PDE1C: variants seen among roughly 807,000 people sequenced by gnomAD.
PDE1C encodes dual specificity calcium/calmodulin-dependent 3',5'-cyclic nucleotide phosphodiesterase 1C.
Under a neutral mutation model 93.1 loss-of-function variants are expected in PDE1C, and 62 were observed. That is an observed-to-expected ratio of 0.67 (90% CI 0.54 to 0.82). The LOEUF (loss-of-function observed/expected upper bound fraction) is 0.82, where lower values mean the gene tolerates loss of function less well. Among genes scored for constraint, PDE1C ranks in the 40% least tolerant of loss-of-function variants. PDE1C has a pLI of 0.00. For synonymous variants in PDE1C, 325 were observed against 310.1 expected (o/e 1.05, Z -0.50); for missense variants, 742 against 884.6 (o/e 0.84, Z 2.04).
At chr7:31,829,725 A>G (rs1347830332) in intron 11 of PDE1C, among the ~76,000 whole-genome samples, 1 of 152,290 alleles carries the variant, frequency 6.6e-6, no homozygotes, top group East Asian at 1.9e-4. Context: ...CCCAGCGGAC[A>G]CAATGGCTTC....
intron 1 of PDE1C, among the ~76,000 whole-genome samples, chr7:32,339,048 A>ACACAC (rs1554308604): frequency 6.7e-5 from 10 of 149,702 alleles, no homozygotes; most frequent in Middle Eastern, 3.4e-3. Context: ...ACACACACAC[A>ACACAC]AAGAGTATTA....
chr7:32,277,472 G>T (rs1811360203), intron 1 of PDE1C, among the ~76,000 whole-genome samples: 1 of 152,160 alleles, frequency 6.6e-6, no homozygotes, highest in African/African-American at 2.4e-5. Context: ...TCCTAAAGCA[G>T]ATACTTCTGA....
chr7:31,983,637 TA>T (rs1235095862), intron 2 of PDE1C, among the ~76,000 whole-genome samples: 3 of 152,182 alleles, frequency 2.0e-5, no homozygotes, highest in Non-Finnish European at 4.4e-5. Flanking sequence ...TAATTTTTTT[TA>T]AAAAATCACC....
At chr7:32,038,654 T>C (rs1331106506) in intron 2 of PDE1C, among the ~76,000 whole-genome samples, 4 of 152,140 alleles carry the variant, frequency 2.6e-5, no homozygotes, top group Non-Finnish European at 5.9e-5. Context: ...GCTAGTGATA[T>C]ATTGCCTTTT....
chr7:32,115,822 A>C (rs768402411), intron 3 of PDE1C, among the ~76,000 whole-genome samples: 1 of 152,160 alleles, frequency 6.6e-6, no homozygotes, highest in Non-Finnish European at 1.5e-5. Flanking sequence ...GAAAGAATGA[A>C]AACTATACAG....
rs779967856 is a variant in PDE1C, at chr7:31,815,978, G to A, written c.1759C>T (p.Pro587Ser). Reference protein sequence around the residue: ...NGTRANKSDNPRGKNSKAEKS... With the variant: ...NGTRANKSDNSRGKNSKAEKS... Reference sequence around the variant, plus strand: ...TCGGCTTTGGAGTTTTTCCCACGAGGGTTGTCACTTTTGTTTGCCCGTGTT... The same window carrying A: ...TCGGCTTTGGAGTTTTTCCCACGAGAGTTGTCACTTTTGTTTGCCCGTGTT... The change falls in exon 15 of 18, where the codon CCT becomes TCT. Residue 587 changes from proline to serine, a missense_variant. Pro to Ser is a moderately conservative substitution (Grantham distance 74). Around this residue, in one of 4 missense-constraint regions of PDE1C, gnomAD observed 454 missense variants for 459.4 expected, o/e 0.99. Coordinates refer to ENST00000396191, the MANE Select transcript of PDE1C (RefSeq NM_001191057.4). 4 of 1,613,826 alleles carry A rather than the reference G, an allele frequency of 2.5e-6. No individual in the cohort carries two copies. The highest frequency in any genetic ancestry group is 2.7e-5 in the African/African-American group (2 of 74,892).
intron 1 of PDE1C, among the ~76,000 whole-genome samples, chr7:32,394,922 G>A (rs1322904501): frequency 6.6e-6 from 1 of 151,962 alleles, no homozygotes; most frequent in Non-Finnish European, 1.5e-5. Flanking sequence ...CTCCTCCTTG[G>A]CCTTCTGTCA....
At chr7:31,619,340 A>T in the PDE1C span, among the ~76,000 whole-genome samples, 3 of 152,196 alleles carry the variant, frequency 2.0e-5, no homozygotes, top group African/African-American at 7.2e-5. Context: ...GCCAACAATG[A>T]TTGGTGACAA....
intron 15 of PDE1C, among the ~76,000 whole-genome samples, chr7:31,812,367 C>G (rs1787662911): frequency 6.6e-6 from 1 of 152,064 alleles, no homozygotes; most frequent in African/African-American, 2.4e-5. Flanking sequence ...GTCTTTGTTT[C>G]CCTATGGTAG....
intron 1 of PDE1C, among the ~76,000 whole-genome samples, chr7:32,371,277 G>C (rs1376165250): frequency 1.3e-5 from 2 of 152,152 alleles, no homozygotes; most frequent in Admixed American, 1.3e-4. Flanking sequence ...CTTCCTCAGG[G>C]AAACCTCCCT....
At chr7:31,749,521 TGTG>T (rs1794076108), downstream of PDE1C, among the ~76,000 whole-genome samples, 1 of 152,016 alleles carries the variant, frequency 6.6e-6, no homozygotes, top group African/African-American at 2.4e-5. Context: ...GCTGAAAAAA[TGTG>T]GTGAGCTTCT....
At chr7:32,397,877 G>A (rs937680190) in intron 1 of PDE1C, among the ~76,000 whole-genome samples, 18 of 150,890 alleles carry the variant, frequency 1.2e-4, no homozygotes, top group East Asian at 5.8e-4. Flanking sequence ...AAAATTAGCC[G>A]GGCATGGTGG....
At chr7:31,893,051 T>C (rs1480400381) in intron 2 of PDE1C, among the ~76,000 whole-genome samples, 1 of 152,068 alleles carries the variant, frequency 6.6e-6, no homozygotes, top group African/African-American at 2.4e-5. Context: ...TGTCAGCTTA[T>C]AATAAAAGTA....
At chr7:32,201,384 CA>C (rs905690974) in intron 2 of PDE1C, among the ~76,000 whole-genome samples, 9 of 151,920 alleles carry the variant, frequency 5.9e-5, no homozygotes, top group Admixed American at 4.6e-4. Context: ...ACATTACATA[CA>C]AAAAAAATTC....
Position 32,336,105 on chromosome 7 carries a change from A to G in PDE1C, c.310+91717T>C, listed in dbSNP as rs145558762. Among the ~76,000 whole-genome samples the G allele has an allele frequency of 1.4e-3, 213 of 152,342 alleles. 1 individual carries two copies. Among genetic ancestry groups the G allele is most frequent in the African/African-American group, 4.9e-3 (203 of 41,586 alleles). Reference sequence around the variant, plus strand: ...ACAGTTCAGCCGATAACAAGTTCCTATCAAGGAAATGAGCATAGAAAGTGG... The same window carrying G: ...ACAGTTCAGCCGATAACAAGTTCCTGTCAAGGAAATGAGCATAGAAAGTGG... On this transcript the variant is annotated intron_variant, in intron 1 of 1. Coordinates refer to the PDE1C transcript ENST00000672256.
chr7:32,256,939 A>G (rs1809836003), intron 1 of PDE1C, among the ~76,000 whole-genome samples: 1 of 152,154 alleles, frequency 6.6e-6, no homozygotes, highest in African/African-American at 2.4e-5. Flanking sequence ...CCCCCAGAAA[A>G]GGTCATTTTG....
intron 1 of PDE1C, among the ~76,000 whole-genome samples, chr7:32,376,215 C>T (rs1012319076): frequency 1.3e-5 from 2 of 152,002 alleles, no homozygotes; most frequent in Non-Finnish European, 2.9e-5. Context: ...AACAGTGGCA[C>T]GTAGTTCTGC....
intron 4 of PDE1C, 74 bp from the exon 5 acceptor site, chr7:31,878,110 A>T (rs957738976): frequency 4.7e-5 from 48 of 1,013,078 alleles, no homozygotes; most frequent in African/African-American, 9.7e-5. Flanking sequence ...ACTCATACCA[A>T]GTATTGACAA....
the PDE1C span, among the ~76,000 whole-genome samples, chr7:31,725,210 C>G: frequency 0.39 from 58,461 of 151,782 alleles, 11,973 homozygotes; most frequent in East Asian, 0.69. Context: ...TCTCTGTGGC[C>G]TGCACAAAGA....
Sources: gnomAD v4.1 joint callset for allele counts (sites outside exome capture counted in the v4.1 genomes callset) on GRCh38, gnomAD v4.1.1 for gene constraint, gnomAD v4.1.1 regional missense constraint, MANE v1.5 for transcripts, NCBI Gene and HGNC (gene_info 2026-07-23, HGNC 2026-07-21) for gene names.